GSG1L: variants seen among roughly 807,000 people sequenced by gnomAD.
GSG1L encodes germ cell-specific gene 1-like protein.
A neutral mutation model predicts 42.1 loss-of-function variants in GSG1L; 24 were observed. The observed-to-expected ratio is 0.57, with a 90% CI of 0.41 to 0.80. The LOEUF (loss-of-function observed/expected upper bound fraction) is 0.80, where lower values mean the gene tolerates loss of function less well. Ranked by LOEUF, GSG1L falls within the 30% of genes least tolerant of loss-of-function variation. The pLI is 0.00. For missense variants in GSG1L, 445 were observed against 472.2 expected (o/e 0.94, Z 0.53); for synonymous variants, 215 against 203.5 (o/e 1.06, Z -0.48).
chr16:27,979,963 T>C (rs1302506464), intron 1 of GSG1L, among the ~76,000 whole-genome samples: 3 of 152,050 alleles, frequency 2.0e-5, no homozygotes, highest in African/African-American at 4.8e-5. Context: ...CTTGGCTCCA[T>C]AAATAAGAGC....
At chr16:27,924,412 A>G (rs1327453794) in intron 2 of GSG1L, among the ~76,000 whole-genome samples, 1 of 152,210 alleles carries the variant, frequency 6.6e-6, no homozygotes, top group Non-Finnish European at 1.5e-5. Context: ...TTTTCTAAAA[A>G]GTATTTTCTT....
At chr16:27,995,425 G>A (rs1730393107) in intron 1 of GSG1L, among the ~76,000 whole-genome samples, 1 of 152,152 alleles carries the variant, frequency 6.6e-6, no homozygotes. Flanking sequence ...GAAACAACTG[G>A]AGATATTGTA....
intron 2 of GSG1L, among the ~76,000 whole-genome samples, chr16:27,955,900 GGAAGGAAGGAAGGAAGGAAGGAAGGAAA>G (rs2084996726): frequency 7.0e-6 from 1 of 142,938 alleles, no homozygotes; most frequent in African/African-American, 2.8e-5. Context: ...AAGGAAGGAA[GGAAGGAAGGAAGGAAGGAAGGAAGGAAA>G]GAAGGAAGGA....
chr16:27,828,300 C>G (rs1179836935), intron 5 of GSG1L, among the ~76,000 whole-genome samples: 1 of 151,670 alleles, frequency 6.6e-6, no homozygotes, highest in Non-Finnish European at 1.5e-5. Flanking sequence ...CATCTACCCA[C>G]CCACTGTTTA....
intron 3 of GSG1L, among the ~76,000 whole-genome samples, chr16:27,854,062 G>A (rs564110950): frequency 6.6e-6 from 1 of 152,060 alleles, no homozygotes; most frequent in East Asian, 1.9e-4. Flanking sequence ...CCTACATCCA[G>A]GTGTTCCAAG....
intron 1 of GSG1L, among the ~76,000 whole-genome samples, chr16:27,980,625 G>A (rs552749244): frequency 6.6e-6 from 1 of 152,282 alleles, no homozygotes; most frequent in East Asian, 1.9e-4. Flanking sequence ...GCTCAGGCCT[G>A]TAATCTCAGC....
At chr16:28,027,799 T>G (rs1203584358) in intron 1 of GSG1L, among the ~76,000 whole-genome samples, 2 of 152,100 alleles carry the variant, frequency 1.3e-5, no homozygotes, top group African/African-American at 4.8e-5. Context: ...GGTGGGAGCA[T>G]CACTTGAGCC....
At chr16:27,801,554 C>A (rs1160587335) in intron 6 of GSG1L, among the ~76,000 whole-genome samples, 1 of 152,176 alleles carries the variant, frequency 6.6e-6, no homozygotes, top group Non-Finnish European at 1.5e-5. Context: ...AAAATATTTT[C>A]TTGGCTGAAA....
At chr16:28,023,477 T>C (rs2085867209) in intron 1 of GSG1L, among the ~76,000 whole-genome samples, 1 of 152,204 alleles carries the variant, frequency 6.6e-6, no homozygotes, top group Admixed American at 6.5e-5. Context: ...CCAGTTGAAA[T>C]TGCTGGGGCA....
Position 27,791,302 on chromosome 16 carries a change from T to C in GSG1L, c.*68A>G, listed in dbSNP as rs1597452608. On this transcript the variant is annotated 3_prime_UTR_variant, in exon 7 of 7. Transcript: ENST00000447459. ...GGCCAGGGTTCTGGGGGCACCACTC[T>C]GGTGGTCTTGCAGCAGGGGCTGGTG... 7 of 1,054,230 alleles carry C rather than the reference T, an allele frequency of 6.6e-6. No homozygotes were observed. In the East Asian group the frequency reaches 2.0e-4, roughly 30 times the overall value. 65.3% of individuals were successfully genotyped at this position (1,054,230 alleles called of 1,614,324 possible).
intron 1 of GSG1L, among the ~76,000 whole-genome samples, chr16:27,998,634 A>G (rs1474936034): frequency 6.6e-6 from 1 of 152,042 alleles, no homozygotes; most frequent in Non-Finnish European, 1.5e-5. Flanking sequence ...CAAAAATTTA[A>G]AAATTAGCTG....
chr16:28,022,140 T>A (rs2085850660), intron 1 of GSG1L, among the ~76,000 whole-genome samples: 1 of 152,156 alleles, frequency 6.6e-6, no homozygotes, highest in African/African-American at 2.4e-5. Context: ...ACCGTCGTAA[T>A]AACACCAGGA....
intron 1 of GSG1L, among the ~76,000 whole-genome samples, chr16:28,055,510 C>A (rs1241745672): frequency 6.6e-6 from 1 of 151,062 alleles, no homozygotes; most frequent in Non-Finnish European, 1.5e-5. Context: ...CTTGCTCTGT[C>A]CCCCAGGCTA....
At chr16:27,888,367 C>A (rs567002917) in intron 2 of GSG1L, among the ~76,000 whole-genome samples, 4 of 152,134 alleles carry the variant, frequency 2.6e-5, no homozygotes, top group Non-Finnish European at 5.9e-5. Context: ...CGATGCCTGG[C>A]GGGGTTGTGG....
chr16:27,797,412 A>C (rs934383995), intron 6 of GSG1L, among the ~76,000 whole-genome samples: 4 of 151,774 alleles, frequency 2.6e-5, no homozygotes, highest in South Asian at 4.2e-4. Context: ...AATTCCAGCT[A>C]CTTGGGAGGC....
Position 27,915,196 on chromosome 16 carries a change from TACACACAC to T in GSG1L, c.398-30566_398-30559del, listed in dbSNP as rs66820312. 2.2e-3 allele frequency among the ~76,000 whole-genome samples: 274 copies of T among 121,858 alleles called. 4 individuals are homozygous for T. Among genetic ancestry groups the T allele is most frequent in the African/African-American group, 4.7e-3 (152 of 32,480 alleles). The allele number at this position is 121,858 out of a possible 152,430, so 79.9% of individuals were successfully genotyped here. ...GAGGTGTCTCTTCCCCCAGAGGATG[TACACACAC>T]ACACACACACACACACACACACACA... is the stretch of plus-strand genomic sequence containing the variant. On this transcript the variant is annotated intron_variant, in intron 2 of 6. Coordinates refer to ENST00000447459, the MANE Select transcript of GSG1L (RefSeq NM_001109763.2).
intron 2 of GSG1L, 112 bp downstream of exon 2, chr16:27,963,044 G>T: frequency 1.1e-6 from 1 of 887,032 alleles, no homozygotes; most frequent in Non-Finnish European, 1.8e-6. Flanking sequence ...GGGCCCTGTT[G>T]CCCAGGGATG....
At chr16:27,940,467 T>C (rs1034250386) in intron 2 of GSG1L, among the ~76,000 whole-genome samples, 9 of 144,528 alleles carry the variant, frequency 6.2e-5, no homozygotes, top group African/African-American at 2.3e-4. Context: ...TGTCCAACAA[T>C]AATAGACTGG....
intron 1 of GSG1L, among the ~76,000 whole-genome samples, chr16:28,032,002 T>C (rs999147253): frequency 6.6e-6 from 1 of 152,062 alleles, no homozygotes; most frequent in Non-Finnish European, 1.5e-5. Context: ...TGGAGAAAAT[T>C]AGGGCTTATA....
Sources: gnomAD v4.1 joint callset for allele counts (sites outside exome capture counted in the v4.1 genomes callset) on GRCh38, gnomAD v4.1.1 for gene constraint, MANE v1.5 for transcripts, NCBI Gene and HGNC (gene_info 2026-07-23, HGNC 2026-07-21) for gene names.